Variants in FBXL17 observed in about 807,000 individuals in gnomAD.
FBXL17 encodes F-box and leucine rich repeat protein 17, also known as F-box/LRR-repeat protein 17.
In FBXL17, 22 loss-of-function variants were observed where a neutral mutation model predicts 66.2. The observed-to-expected ratio is 0.33, with a 90% confidence interval of 0.24 to 0.47. FBXL17 has a LOEUF of 0.47. FBXL17 is among the 20% of genes least tolerant of loss of function. The pLI is 1.00. For synonymous variants in FBXL17, 474 were observed against 400.5 expected (o/e 1.18, Z -2.19); for missense variants, 878 against 948.2 (o/e 0.93, Z 0.97).
intron 7 of FBXL17, 77 bp downstream of exon 7, chr5:108,020,848 A>G: frequency 9.6e-7 from 1 of 1,037,488 alleles, no homozygotes; most frequent in Admixed American, 1.7e-5. Flanking sequence ...ATAGTTCTTG[A>G]TTTCTTTTTA....
intron 1 of FBXL17, among the ~76,000 whole-genome samples, chr5:108,372,473 T>C (rs938221850): frequency 1.3e-5 from 2 of 152,144 alleles, no homozygotes; most frequent in Non-Finnish European, 2.9e-5. Flanking sequence ...CATATCAAGA[T>C]GCATCATAAT....
rs1554067313 is a variant in FBXL17 at position 108,126,631 on chromosome 5, G to GTCTCTCTGTCTCTCTCTCTCTCTCTCTC, written c.1745+59485_1745+59486insGAGAGAGAGAGAGAGAGAGACAGAGAGA. On this transcript the variant is annotated intron_variant, in intron 6 of 8. Coordinates refer to ENST00000542267, the MANE Select transcript of FBXL17 (RefSeq NM_001163315.3). ...TATAAGATTATCTCTCTGTCTCTCT[G>GTCTCTCTGTCTCTCTCTCTCTCTCTCTC]TCTCTCTCTCTCTCTCTCTCTATAT... is the stretch of plus-strand genomic sequence containing the variant. 8.0e-5 allele frequency among the ~76,000 whole-genome samples: 9 copies of GTCTCTCTGTCTCTCTCTCTCTCTCTCTC among 112,580 alleles called. No individual in the cohort carries two copies. The East Asian group carries it at 1.3e-3, about 16-fold the overall frequency. 73.9% of individuals were successfully genotyped at this position (112,580 alleles called of 152,430 possible). A position where few individuals can be genotyped will look rare whatever the true frequency, so the allele number is the denominator to read the frequency against.
chr5:108,093,867 A>AT (rs1258408393), intron 6 of FBXL17, among the ~76,000 whole-genome samples: 1 of 152,186 alleles, frequency 6.6e-6, no homozygotes, highest in South Asian at 2.1e-4. Context: ...AAACAGTGTG[A>AT]TTTTTAAAAA....
intron 7 of FBXL17, among the ~76,000 whole-genome samples, chr5:107,962,475 TA>T (rs1478674909): frequency 6.6e-6 from 1 of 152,178 alleles, no homozygotes; most frequent in African/African-American, 2.4e-5. Context: ...TTTTTCATTT[TA>T]AAGATGACAA....
intron 7 of FBXL17, among the ~76,000 whole-genome samples, chr5:107,984,999 C>A (rs1461752918): frequency 6.6e-6 from 1 of 152,166 alleles, no homozygotes; most frequent in East Asian, 1.9e-4. Flanking sequence ...CAATAACCTA[C>A]TATGTCATTG....
chr5:107,989,348 T>C (rs556321472), intron 7 of FBXL17, among the ~76,000 whole-genome samples: 1 of 152,190 alleles, frequency 6.6e-6, no homozygotes, highest in African/African-American at 2.4e-5. Context: ...TGAGATCAAA[T>C]TTTTTTAGCT....
At chr5:108,368,100 T>A in intron 1 of FBXL17, 147 bp from the exon 2 acceptor site, 1 of 728,176 alleles carries the variant, frequency 1.4e-6, no homozygotes, top group Non-Finnish European at 2.2e-6. Context: ...CCGTAAGAGA[T>A]CACCTTAAAG....
intron 7 of FBXL17, among the ~76,000 whole-genome samples, chr5:108,005,205 T>G (rs76946471): frequency 0.017 from 2,591 of 152,044 alleles, 71 homozygotes; most frequent in African/African-American, 0.06. Flanking sequence ...TTCTCCCTCA[T>G]GCAAAAATAA....
Position 108,169,407 on chromosome 5 carries a change from G to C in FBXL17, c.1745+16710C>G, listed in dbSNP as rs1164879319. On this transcript the variant is annotated intron_variant, in intron 6 of 8. Transcript: ENST00000542267. ...TACATCTGTAGAAAGAAATGTTATA[G>C]AAAACAACTGTTGTTTTGGTTTCCT... Among the ~76,000 whole-genome samples, 4 of 152,296 alleles carry C rather than the reference G, an allele frequency of 2.6e-5. No individual in the cohort carries two copies. The East Asian group carries it at 7.7e-4, about 29-fold the overall frequency.
intron 5 of FBXL17, among the ~76,000 whole-genome samples, chr5:108,221,031 T>C (rs1486773376): frequency 6.6e-6 from 1 of 152,212 alleles, no homozygotes; most frequent in Admixed American, 6.5e-5. Context: ...CTTTATCTTA[T>C]CAACCTGTGT....
chr5:108,012,955 C>CG (rs1754235270), intron 7 of FBXL17, among the ~76,000 whole-genome samples: 1 of 141,044 alleles, frequency 7.1e-6, no homozygotes, highest in Non-Finnish European at 1.5e-5. Flanking sequence ...GCGGAGGTTG[C>CG]GTCAGCCAAG....
At chr5:108,060,701 TA>T (rs970331903) in intron 6 of FBXL17, among the ~76,000 whole-genome samples, 1 of 152,170 alleles carries the variant, frequency 6.6e-6, no homozygotes, top group African/African-American at 2.4e-5. Context: ...TCCCTGGTTT[TA>T]ACTTTTCTCA....
intron 4 of FBXL17, among the ~76,000 whole-genome samples, chr5:108,341,409 C>T (rs956973785): frequency 6.6e-5 from 10 of 151,954 alleles, no homozygotes; most frequent in African/African-American, 1.9e-4. Flanking sequence ...GACAACAGTA[C>T]GAATGTAAGA....
intron 5 of FBXL17, among the ~76,000 whole-genome samples, chr5:108,219,084 G>A (rs950414757): frequency 2.0e-5 from 3 of 152,174 alleles, no homozygotes; most frequent in Non-Finnish European, 4.4e-5. Flanking sequence ...CTATATTCAT[G>A]AAAGATAGTG....
intron 7 of FBXL17, among the ~76,000 whole-genome samples, chr5:107,913,701 C>T (rs1750028970): frequency 6.6e-6 from 1 of 152,112 alleles, no homozygotes; most frequent in African/African-American, 2.4e-5. Context: ...TCCTCTGTAA[C>T]ATCTAAGAAC....
chr5:107,890,394 G>A (rs1454376326), intron 7 of FBXL17, among the ~76,000 whole-genome samples: 1 of 152,020 alleles, frequency 6.6e-6, no homozygotes, highest in Non-Finnish European at 1.5e-5. Context: ...GGGCATGGTG[G>A]TTCATGCCTA....
At chr5:108,038,305 A>G (rs1359758646) in intron 6 of FBXL17, among the ~76,000 whole-genome samples, 2 of 137,168 alleles carry the variant, frequency 1.5e-5, no homozygotes, top group African/African-American at 5.0e-5. Flanking sequence ...CTGTATGTGT[A>G]CATTTTTTTA....
intron 3 of FBXL17, among the ~76,000 whole-genome samples, chr5:108,357,721 C>A (rs929320537): frequency 2.2e-5 from 3 of 136,086 alleles, no homozygotes; most frequent in Non-Finnish European, 5.1e-5. Flanking sequence ...TTAAATAACA[C>A]GTTTTTTTTT....
chr5:107,991,247 TG>T lies in FBXL17; in HGVS notation c.1822+29677del, dbSNP rs1753234584. Among the ~76,000 whole-genome samples the T allele has an allele frequency of 2.0e-5, 3 of 152,300 alleles. No homozygotes were observed. The East Asian group carries it at 5.8e-4, about 29-fold the overall frequency. On this transcript the variant is annotated intron_variant, in intron 7 of 8. Transcript: ENST00000542267. ...GCAGAGAACTAGCTCGCTTAGATGT[TG>T]AGAAGTTTGGAGGAAACTGAGGAGA...
Sources: allele counts gnomAD v4.1 joint callset (sites outside exome capture counted in the v4.1 genomes callset), GRCh38; gene constraint gnomAD v4.1.1; transcripts MANE v1.5; gene names NCBI Gene and HGNC (gene_info 2026-07-23, HGNC 2026-07-21).